Variants in CRTAC1 observed in about 807,000 individuals in gnomAD.
CRTAC1 encodes acidic secreted protein in cartilage.
Under a neutral mutation model 67.8 loss-of-function variants are expected in CRTAC1, and 37 were observed. The ratio of observed to expected loss-of-function variants is 0.55; its 90% CI spans 0.42 to 0.72. The LOEUF (loss-of-function observed/expected upper bound fraction) is 0.72. Among genes scored for constraint, CRTAC1 ranks in the 30% least tolerant of loss-of-function variants. The probability of loss-of-function intolerance (pLI) is 0.00; values close to 1 mark genes in which losing one functional copy is unlikely to be tolerated. For missense variants in CRTAC1, 780 were observed against 931.6 expected (o/e 0.84, Z 2.12); for synonymous variants, 348 against 371.0 (o/e 0.94, Z 0.71).
chr10:98,004,113 G>A (rs1357731077), intron 2 of CRTAC1, among the ~76,000 whole-genome samples: 1 of 152,082 alleles, frequency 6.6e-6, no homozygotes, highest in Non-Finnish European at 1.5e-5. Context: ...TCAAAATCAG[G>A]GGCAGTCCAT....
At chr10:97,944,114 G>C (rs891217278) in intron 2 of CRTAC1, among the ~76,000 whole-genome samples, 1 of 152,088 alleles carries the variant, frequency 6.6e-6, no homozygotes, top group African/African-American at 2.4e-5. Flanking sequence ...ATAACCTTTG[G>C]GGGAAAAAGA....
chr10:97,980,187 G>A (rs2051869509), intron 2 of CRTAC1, among the ~76,000 whole-genome samples: 1 of 152,240 alleles, frequency 6.6e-6, no homozygotes, highest in Admixed American at 6.5e-5. Context: ...GAAGATTCAT[G>A]TAAAGTGCTC....
chr10:97,909,679 GA>G (rs1276959150), intron 5 of CRTAC1, among the ~76,000 whole-genome samples: 1 of 152,154 alleles, frequency 6.6e-6, no homozygotes, highest in Non-Finnish European at 1.5e-5. Flanking sequence ...ACTGCCATAT[GA>G]TCCAGCAATC....
chr10:97,872,771 G>A (rs764918039), intron 14 of CRTAC1, among the ~76,000 whole-genome samples: 17 of 152,158 alleles, frequency 1.1e-4, no homozygotes, highest in Admixed American at 7.9e-4. Context: ...GGTACCGATC[G>A]CCCCTGGGCT....
chr10:97,941,983 G>A (rs2051184130), intron 2 of CRTAC1, among the ~76,000 whole-genome samples: 1 of 152,088 alleles, frequency 6.6e-6, no homozygotes, highest in South Asian at 2.1e-4. Flanking sequence ...ATTCTGGCAA[G>A]TGCTTCCCAA....
chr10:97,971,464 A>C (rs1309420114), intron 2 of CRTAC1, among the ~76,000 whole-genome samples: 1 of 152,246 alleles, frequency 6.6e-6, no homozygotes, highest in Non-Finnish European at 1.5e-5. Context: ...AAATTCATAG[A>C]GACAGGAAGT....
intron 2 of CRTAC1, among the ~76,000 whole-genome samples, chr10:97,953,584 A>G (rs1182354655): frequency 1.3e-5 from 2 of 152,148 alleles, no homozygotes; most frequent in East Asian, 1.9e-4. Flanking sequence ...TTCCATTCTC[A>G]TGGCCTCGTC....
intron 2 of CRTAC1, among the ~76,000 whole-genome samples, chr10:98,009,097 A>C (rs1204387651): frequency 2.0e-5 from 3 of 152,222 alleles, no homozygotes; most frequent in African/African-American, 7.2e-5. Flanking sequence ...AGGTCACCCC[A>C]GGTAAAAAGC....
chr10:97,968,226 C>T (rs1163614656), intron 2 of CRTAC1, among the ~76,000 whole-genome samples: 1 of 152,082 alleles, frequency 6.6e-6, no homozygotes. Context: ...CCTGGGTGTG[C>T]ACAGAGGAGC....
chr10:97,873,045 G>A (rs751466517), intron 14 of CRTAC1, among the ~76,000 whole-genome samples: 2 of 152,232 alleles, frequency 1.3e-5, no homozygotes, highest in African/African-American at 4.8e-5. Flanking sequence ...AGGCACTGCA[G>A]CAAGTACCTT....
intron 2 of CRTAC1, among the ~76,000 whole-genome samples, chr10:97,945,728 A>C (rs1475542387): frequency 1.3e-5 from 2 of 152,230 alleles, no homozygotes; most frequent in Admixed American, 6.5e-5. Context: ...AGAGTGGAGA[A>C]GACTCCACAA....
intron 2 of CRTAC1, among the ~76,000 whole-genome samples, chr10:98,003,856 A>G (rs1403104878): frequency 6.6e-6 from 1 of 152,100 alleles, no homozygotes; most frequent in Non-Finnish European, 1.5e-5. Flanking sequence ...TGAACTGATC[A>G]GGAGAGTATG....
intron 3 of CRTAC1, among the ~76,000 whole-genome samples, chr10:97,928,034 C>T (rs1046454561): frequency 4.6e-5 from 7 of 152,202 alleles, no homozygotes; most frequent in Admixed American, 6.5e-5. Flanking sequence ...GAGGTATTCT[C>T]TTGAGTCCCC....
At chr10:97,945,172 G>C (rs1170142463) in intron 2 of CRTAC1, among the ~76,000 whole-genome samples, 1 of 152,190 alleles carries the variant, frequency 6.6e-6, no homozygotes, top group Non-Finnish European at 1.5e-5. Context: ...TCTCTAGGAT[G>C]GCTATTTGAA....
chr10:97,975,659 G>A lies in CRTAC1; in HGVS notation c.224+35479C>T, dbSNP rs887196378. The stretch of plus-strand genomic sequence containing the variant: ...CTCTCCCTGTGAATGACAAAAAGGC[G>A]CCCCTTCCTCCAAGCCTGCACAGCC... On this transcript the variant is annotated intron_variant, in intron 2 of 14. Coordinates refer to ENST00000370597, the MANE Select transcript of CRTAC1 (RefSeq NM_018058.7). The surrounding 1 kb of genome is among the most constrained non-coding windows in gnomAD (Gnocchi z 4.8). 2.0e-5 allele frequency among the ~76,000 whole-genome samples: 3 copies of A among 152,164 alleles called. No homozygotes were observed. The highest frequency in any genetic ancestry group is 6.5e-5 in the Admixed American group (1 of 15,284).
intron 2 of CRTAC1, among the ~76,000 whole-genome samples, chr10:98,007,608 C>T (rs113487425): frequency 2.7e-3 from 414 of 152,270 alleles, no homozygotes; most frequent in African/African-American, 9.0e-3. Flanking sequence ...GAATAACATC[C>T]AGCAGCCTAA....
At chr10:97,896,670 A>C (rs1216314132) in intron 9 of CRTAC1, among the ~76,000 whole-genome samples, 1 of 150,974 alleles carries the variant, frequency 6.6e-6, no homozygotes, top group African/African-American at 2.4e-5. Flanking sequence ...CCATTCCCCC[A>C]CCCCCCATCA....
rs149564610 is a variant in CRTAC1 at position 97,889,122 on chromosome 10, G to A, written c.1487-4771C>T. ...CAGCAATACCAGGGGCAGTGGAGGC[G>A]GGAGGGAAGGGGGGGAGGGGGAAGG... On this transcript the variant is annotated intron_variant, in intron 11 of 14. Transcript: ENST00000370597. Among the ~76,000 whole-genome samples, 430 of 149,908 alleles carry A rather than the reference G, an allele frequency of 2.9e-3. 15 individuals carry two copies. In the East Asian group the frequency reaches 0.072, roughly 25 times the overall value.
chr10:97,998,187 G>A (rs1296820020), intron 2 of CRTAC1, among the ~76,000 whole-genome samples: 1 of 152,104 alleles, frequency 6.6e-6, no homozygotes, highest in Non-Finnish European at 1.5e-5. Flanking sequence ...TGCTCAGGGT[G>A]GTTTCAAACT....
Sources: allele counts gnomAD v4.1 joint callset (sites outside exome capture counted in the v4.1 genomes callset), GRCh38; gene constraint gnomAD v4.1.1; non-coding constraint Gnocchi (gnomAD v3.1); transcripts MANE v1.5; gene names NCBI Gene and HGNC (gene_info 2026-07-23, HGNC 2026-07-21).